The following ANKRD36C variants were observed in gnomAD, a reference collection of about 807,000 sequenced individuals.
ANKRD36C encodes the protein ankyrin repeat domain-containing protein 36C.
A neutral mutation model predicts 276.4 loss-of-function variants in ANKRD36C; 61 were observed. The ratio of observed to expected loss-of-function variants is 0.22; its 90% CI spans 0.18 to 0.27. The LOEUF is 0.27. Among genes scored for constraint, ANKRD36C ranks in the 10% least tolerant of loss-of-function variants. The pLI, the probability that ANKRD36C is intolerant of heterozygous loss-of-function variation, is 1.00. For synonymous variants in ANKRD36C, 483 were observed against 680.1 expected (o/e 0.71, Z 4.51); for missense variants, 1,447 against 2,032.3 (o/e 0.71, Z 5.54).
At chr2:95,919,711 T>A in intron 34 of ANKRD36C, 22 bp downstream of exon 36, 1 of 810,878 alleles carries the variant, frequency 1.2e-6, no homozygotes, top group Non-Finnish European at 1.5e-6. Flanking sequence ...GAACATGACA[T>A]TGAATGTGTT....
intron 1 of ANKRD36C, among the ~76,000 whole-genome samples, chr2:95,987,481 A>G (rs1421265033): frequency 6.6e-6 from 1 of 151,928 alleles, no homozygotes; most frequent in Non-Finnish European, 1.5e-5. Flanking sequence ...AATATATAAG[A>G]GAATAGTAGC....
intron 34 of ANKRD36C, 73 bp downstream of exon 36, chr2:95,919,660 C>CG: frequency 1.4e-6 from 1 of 700,424 alleles, no homozygotes; most frequent in Non-Finnish European, 1.7e-6. Flanking sequence ...CCACCCTCCG[C>CG]TGATTTATTC....
chr2:95,866,835 T>C (rs983904708), intron 60 of ANKRD36C, among the ~76,000 whole-genome samples: 8 of 152,294 alleles, frequency 5.3e-5, no homozygotes, highest in African/African-American at 1.4e-4. Flanking sequence ...TTAAAACTTA[T>C]CAAATGGTAC....
chr2:95,903,090 T>C lies in ANKRD36C; in HGVS notation c.2654-3754A>G. On this transcript the variant is annotated intron_variant, in intron 42 of 66. Coordinates refer to ENST00000456556, the Ensembl canonical transcript of ANKRD36C. ...TGGTTGCTCTGAAGACACTGAAAAG[T>C]AAAAGGGATTCATAATCACTCATAT... 1.3e-6 allele frequency: 2 copies of C among 1,562,576 alleles called. 1 individual carries two copies. Among genetic ancestry groups the C allele is most frequent in the Non-Finnish European group, 1.7e-6 (2 of 1,152,740 alleles).
At chr2:95,984,401 T>C (rs1678986170) in intron 3 of ANKRD36C, among the ~76,000 whole-genome samples, 1 of 152,216 alleles carries the variant, frequency 6.6e-6, no homozygotes, top group Non-Finnish European at 1.5e-5. Context: ...AATCCAGATC[T>C]GTGCACGAGT....
intron 30 of ANKRD36C, among the ~76,000 whole-genome samples, chr2:95,924,399 T>C (rs546964384): frequency 6.6e-6 from 1 of 151,734 alleles, no homozygotes; most frequent in South Asian, 2.1e-4. Flanking sequence ...CACATATTTA[T>C]ACAAAATGCA....
Position 95,912,551 on chromosome 2 carries a change from G to C in ANKRD36C, c.2552-116C>G, listed in dbSNP as rs192151889. ...TCCTGCCTGTATTAGTGGAGGCTTT[G>C]ATGGCTTCTATTTTGTGTCTGGGGA... On this transcript the variant is annotated intron_variant, in intron 40 of 66. Transcript: ENST00000456556. 114 of 1,556,502 alleles carry C rather than the reference G, an allele frequency of 7.3e-5. 1 individual carries two copies. The Admixed American group carries it at 1.3e-3, about 18-fold the overall frequency.
At chr2:95,952,019 A>T (rs1334232565) in intron 14 of ANKRD36C, among the ~76,000 whole-genome samples, 2 of 151,726 alleles carry the variant, frequency 1.3e-5, no homozygotes, top group African/African-American at 4.9e-5. Context: ...TGAAGGCCAC[A>T]CATAGCTACT....
rs748588044 is a variant in ANKRD36C, at chr2:95,986,731, T to C, written c.486+20A>G. ...AAATGCATTTCAGATAGTTTGAAAATAACATTGGTTGACCTATACCTCGCT... is the reference window on the plus strand; with the variant it reads ...AAATGCATTTCAGATAGTTTGAAAACAACATTGGTTGACCTATACCTCGCT... On this transcript the variant is annotated intron_variant, in intron 3 of 66. Transcript: ENST00000456556. 64 of 1,588,446 alleles carry C rather than the reference T, an allele frequency of 4.0e-5. No homozygotes were observed. The East Asian group carries it at 1.3e-3, about 32-fold the overall frequency.
chr2:95,972,960 T>C (rs1350886580), intron 6 of ANKRD36C, among the ~76,000 whole-genome samples: 2 of 152,162 alleles, frequency 1.3e-5, no homozygotes, highest in African/African-American at 4.8e-5. Context: ...TAACTGGGGA[T>C]CAGGCCAGGT....
intron 26 of ANKRD36C, among the ~76,000 whole-genome samples, chr2:95,927,894 G>A (rs1189125022): frequency 6.6e-6 from 1 of 151,556 alleles, no homozygotes; most frequent in African/African-American, 2.4e-5. Flanking sequence ...TACACTTCAC[G>A]TCTCTTCAGT....
rs558582571 is a variant in ANKRD36C, at chr2:95,927,552, T to G, written c.1838-143A>C. ...TGTTTTCTACTTTTTGTCTGGAGAC[T>G]GGAACACGACAGAAATACACTGAAA... On this transcript the variant is annotated intron_variant, in intron 26 of 66. Transcript: ENST00000456556. 1.8e-5 allele frequency: 24 copies of G among 1,365,990 alleles called. 1 individual carries two copies. The highest frequency in any genetic ancestry group is 1.2e-4 in the South Asian group (8 of 69,338). The allele number at this position is 1,365,990 out of a possible 1,614,324, so 84.6% of individuals were successfully genotyped here. A position where few individuals can be genotyped will look rare whatever the true frequency, so the allele number is the denominator to read the frequency against.
At chr2:95,978,027 GAT>G (rs1491103425) in intron 6 of ANKRD36C, 93 bp downstream of exon 6, 1 of 433,174 alleles carries the variant, frequency 2.3e-6, no homozygotes, top group Non-Finnish European at 4.2e-6. Flanking sequence ...TTTAAACAGT[GAT>G]TTTTTTAAAC....
chr2:95,929,714 T>G (rs1573775667), intron 24 of ANKRD36C, among the ~76,000 whole-genome samples: 1 of 151,572 alleles, frequency 6.6e-6, no homozygotes, highest in East Asian at 1.9e-4. Context: ...CTCTTTAACT[T>G]GATTGATCAG....
chr2:95,890,115 C>T, intron 46 of ANKRD36C, 121 bp from the exon 67 acceptor site: 2 of 1,315,658 alleles, frequency 1.5e-6, no homozygotes, highest in East Asian at 4.9e-5. Context: ...GCTTTGATGG[C>T]TTCTATATTG....
intron 8 of ANKRD36C, among the ~76,000 whole-genome samples, chr2:95,961,944 C>T (rs184470102): frequency 6.6e-6 from 1 of 151,528 alleles, no homozygotes; most frequent in African/African-American, 2.4e-5. Flanking sequence ...GCTTAGTTCT[C>T]TTTCTACATT....
chr2:95,909,756 G>A (rs1199995015), intron 42 of ANKRD36C, among the ~76,000 whole-genome samples: 2 of 150,892 alleles, frequency 1.3e-5, no homozygotes, highest in Non-Finnish European at 3.0e-5. Flanking sequence ...CCAATTCTAG[G>A]ATTGTTTCCT....
exon 32 of ANKRD36C, chr2:95,923,534 T>C (rs1677330137): frequency 1.9e-6 from 3 of 1,611,008 alleles, no homozygotes; most frequent in Non-Finnish European, 2.5e-6. Flanking sequence ...TCTGTAGCTA[T>C]ATTCAAAGCA....
chr2:95,987,908 T>C (rs1367615896), intron 1 of ANKRD36C, among the ~76,000 whole-genome samples: 4 of 152,128 alleles, frequency 2.6e-5, no homozygotes, highest in Admixed American at 1.3e-4. Context: ...TTTCTCACTA[T>C]TCTCTTATAT....
Sources: gnomAD v4.1 joint callset for allele counts (sites outside exome capture counted in the v4.1 genomes callset) on GRCh38, gnomAD v4.1.1 for gene constraint, MANE v1.5 for transcripts, NCBI Gene and HGNC (gene_info 2026-07-23, HGNC 2026-07-21) for gene names.